Variants in EEFSEC observed in about 807,000 individuals in gnomAD.
EEFSEC encodes the protein eukaryotic elongation factor, selenocysteine-tRNA specific.
EEFSEC carries 43 observed loss-of-function variants against 42.1 expected under a neutral mutation model. That is an observed-to-expected ratio of 1.02 (90% CI 0.80 to 1.32). The LOEUF is 1.32. EEFSEC is among the 40% of genes most tolerant of loss of function. The probability of loss-of-function intolerance (pLI) is 0.00; values close to 1 mark genes in which losing one functional copy is unlikely to be tolerated. For synonymous variants in EEFSEC, 354 were observed against 339.1 expected (o/e 1.04, Z -0.48); for missense variants, 745 against 803.6 (o/e 0.93, Z 0.88).
chr3:128,408,091 G>A lies in EEFSEC; in HGVS notation c.1623G>A (p.Lys541=), dbSNP rs765307326. 6.3e-7 allele frequency: 1 copy of A among 1,591,504 alleles called. No individual in the cohort carries two copies. Among genetic ancestry groups the A allele is most frequent in the Non-Finnish European group, 8.6e-7 (1 of 1,168,858 alleles). ...HIPGGLSPES[K]KILTPALKKR... ...CAGGTGGCCTCAGCCCCGAGTCCAA[G>A]AAGATCCTGACACCCGCCCTCAAGA... Residue 541 remains lysine, a synonymous_variant, in exon 7 of 7, where the codon AAG becomes AAA. Transcript: ENST00000254730.
intron 5 of EEFSEC, among the ~76,000 whole-genome samples, chr3:128,350,383 G>A (rs529973714): frequency 6.6e-6 from 1 of 152,200 alleles, no homozygotes; most frequent in Non-Finnish European, 1.5e-5. Context: ...TGGTCTAGCT[G>A]GCCACTGAGC....
intron 1 of EEFSEC, among the ~76,000 whole-genome samples, chr3:128,210,509 C>T (rs953202912): frequency 2.6e-5 from 4 of 152,112 alleles, no homozygotes; most frequent in Non-Finnish European, 4.4e-5. Flanking sequence ...CCTTTTTCGA[C>T]GGTGAAAAAT....
rs2066303332 is a variant in EEFSEC at position 128,262,132 on chromosome 3, C to T, written c.529C>T (p.Arg177Ter). The change falls in exon 3 of 7, where the codon CGA becomes TGA. Residue 177 changes from arginine to a stop codon, truncating the protein, a stop_gained. Transcript: ENST00000254730. LOFTEE classifies it high-confidence loss of function. ...MQKTLENTKFRGAPIIPVAAK... is the reference protein window; with the variant it reads ...MQKTLENTKF ...GGGACTTATTTTCCATTTCAGGTTC[C>T]GAGGTGCACCGATTATACCCGTGGC... 9 of 1,613,998 alleles carry T rather than the reference C, an allele frequency of 5.6e-6. No individual in the cohort carries two copies. The highest frequency in any genetic ancestry group is 2.2e-5 in the East Asian group (1 of 44,864).
intron 4 of EEFSEC, among the ~76,000 whole-genome samples, chr3:128,330,149 T>C (rs2067110552): frequency 6.6e-6 from 1 of 152,214 alleles, no homozygotes; most frequent in African/African-American, 2.4e-5. Flanking sequence ...TGGCAAATAC[T>C]TGGGGTGGCT....
chr3:128,367,868 T>G, intron 6 of EEFSEC: 1 of 983,068 alleles, frequency 1.0e-6, no homozygotes, highest in Non-Finnish European at 1.2e-6. Context: ...TGGTGACGCG[T>G]GCTGACTCCA....
At chr3:128,255,193 G>T (rs1412934975) in intron 2 of EEFSEC, among the ~76,000 whole-genome samples, 2 of 152,128 alleles carry the variant, frequency 1.3e-5, no homozygotes, top group Admixed American at 6.5e-5. Context: ...TGCAGGGGAA[G>T]AGTTGGCCTC....
At chr3:128,207,758 G>T (rs563846855) in intron 1 of EEFSEC, among the ~76,000 whole-genome samples, 2 of 152,254 alleles carry the variant, frequency 1.3e-5, no homozygotes, top group Non-Finnish European at 2.9e-5. Flanking sequence ...ACTAAGCCAG[G>T]ACTGATAATG....
chr3:128,187,346 A>G (rs1301788082), intron 1 of EEFSEC, among the ~76,000 whole-genome samples: 1 of 152,162 alleles, frequency 6.6e-6, no homozygotes, highest in African/African-American at 2.4e-5. Context: ...CAGCATGTTG[A>G]TAGAAATAGT....
intron 1 of EEFSEC, among the ~76,000 whole-genome samples, chr3:128,174,909 T>C (rs1443338747): frequency 6.6e-6 from 1 of 152,174 alleles, no homozygotes; most frequent in African/African-American, 2.4e-5. Flanking sequence ...AGCATTGCAA[T>C]TATGCAAGAG....
intron 6 of EEFSEC, among the ~76,000 whole-genome samples, chr3:128,376,346 C>G (rs989502410): frequency 3.3e-5 from 5 of 152,220 alleles, no homozygotes; most frequent in African/African-American, 1.2e-4. Flanking sequence ...CTTTCCTCAC[C>G]ACTGGCATGG....
chr3:128,175,683 C>T (rs1248530567), intron 1 of EEFSEC, among the ~76,000 whole-genome samples: 1 of 152,222 alleles, frequency 6.6e-6, no homozygotes, highest in East Asian at 1.9e-4. Context: ...ATGAAAACGA[C>T]ATGGTCCCTG....
chr3:128,179,891 A>T (rs957789700), intron 1 of EEFSEC, among the ~76,000 whole-genome samples: 10 of 152,200 alleles, frequency 6.6e-5, no homozygotes, highest in African/African-American at 1.9e-4. Flanking sequence ...CAGAGTAAAA[A>T]AAAAAATTCT....
chr3:128,162,979 T>C (rs2065205714), intron 1 of EEFSEC, among the ~76,000 whole-genome samples: 1 of 152,200 alleles, frequency 6.6e-6, no homozygotes, highest in African/African-American at 2.4e-5. Flanking sequence ...AATCATTCCA[T>C]CCAGGTTGGA....
At chr3:128,300,198 T>C (rs1323572491) in intron 4 of EEFSEC, among the ~76,000 whole-genome samples, 1 of 152,230 alleles carries the variant, frequency 6.6e-6, no homozygotes, top group Non-Finnish European at 1.5e-5. Flanking sequence ...GTCCCAGAAT[T>C]TCCCCCATCT....
At position 128,153,718 on chromosome 3, in the gene EEFSEC, T is replaced by A; in HGVS notation, c.211T>A (p.Phe71Ile). Residue 71 changes from phenylalanine (F) to isoleucine (I), a missense_variant, in exon 1 of 7, where the codon TTC (phenylalanine) becomes ATC (isoleucine). By Grantham distance (21) the Phe-to-Ile change is conservative. Coordinates refer to ENST00000254730, the MANE Select transcript of EEFSEC (RefSeq NM_021937.5). ...PARLRSSLPE[F>I]QAAPEAEPEP... ...GCGCCTGCGGTCGTCTTTGCCCGAG[T>A]TCCAGGCAGCGCCCGAGGCCGAGCC... The A allele has an allele frequency of 6.3e-7, 1 of 1,581,044 alleles. No individual in the cohort carries two copies. Among genetic ancestry groups the A allele is most frequent in the Non-Finnish European group, 8.5e-7 (1 of 1,172,334 alleles).
Position 128,317,679 on chromosome 3 carries a change from C to CG in EEFSEC, c.787-23551dup, listed in dbSNP as rs1355382860. 2.6e-5 allele frequency among the ~76,000 whole-genome samples: 4 copies of CG among 152,242 alleles called. No homozygotes were observed. The highest frequency in any genetic ancestry group is 9.6e-5 in the African/African-American group (4 of 41,472). On this transcript the variant is annotated intron_variant, in intron 4 of 6. Coordinates refer to ENST00000254730, the MANE Select transcript of EEFSEC (RefSeq NM_021937.5). The surrounding 1 kb of genome is among the most constrained non-coding windows in gnomAD (Gnocchi z 4.1). Reference sequence around the variant, plus strand: ...AGTTCCAGCTCCTTGGCCTGACCCTCGGGCTTTGCACTGCCTGGCTCCTGC... The same window carrying CG: ...AGTTCCAGCTCCTTGGCCTGACCCTCGGGGCTTTGCACTGCCTGGCTCCTGC...
At chr3:128,323,857 G>A (rs2067034564) in intron 4 of EEFSEC, among the ~76,000 whole-genome samples, 1 of 152,214 alleles carries the variant, frequency 6.6e-6, no homozygotes, top group South Asian at 2.1e-4. Context: ...GGAGCAGCCT[G>A]GTGTTCCTTC....
chr3:128,165,678 G>T (rs1348148405), intron 1 of EEFSEC, among the ~76,000 whole-genome samples: 1 of 152,334 alleles, frequency 6.6e-6, no homozygotes, highest in East Asian at 1.9e-4. Context: ...TACTTCCTGA[G>T]GATATTTATT....
Position 128,271,125 on chromosome 3 carries a change from G to A in EEFSEC, c.786+6344G>A, listed in dbSNP as rs533837916. Among the ~76,000 whole-genome samples the A allele has an allele frequency of 3.1e-4, 47 of 152,344 alleles. 1 individual carries two copies. The highest frequency in any genetic ancestry group is 2.2e-4 in the Non-Finnish European group (15 of 68,028). On this transcript the variant is annotated intron_variant, in intron 4 of 6. Transcript: ENST00000254730. ...CTGTGTTTGGAGTCACTGCCACCCT[G>A]GGGCCATTTACAGAAACCCAGAGCT...
Sources: allele counts gnomAD v4.1 joint callset (sites outside exome capture counted in the v4.1 genomes callset), GRCh38; gene constraint gnomAD v4.1.1; non-coding constraint Gnocchi (gnomAD v3.1); transcripts MANE v1.5; gene names NCBI Gene and HGNC (gene_info 2026-07-23, HGNC 2026-07-21).